AHR: variants seen among roughly 807,000 people sequenced by gnomAD.
AHR encodes aryl hydrocarbon receptor.
AHR carries 40 observed loss-of-function variants against 86.8 expected under a neutral mutation model. That is an observed-to-expected ratio of 0.46 (90% CI 0.36 to 0.60). The LOEUF (loss-of-function observed/expected upper bound fraction) is 0.60, where lower values mean the gene tolerates loss of function less well. Among genes scored for constraint, AHR ranks in the 20% least tolerant of loss-of-function variants. The pLI, the probability that AHR is intolerant of heterozygous loss-of-function variation, is 0.00. For missense variants in AHR, 1,001 were observed against 1,011.6 expected (o/e 0.99, Z 0.14); for synonymous variants, 398 against 354.9 (o/e 1.12, Z -1.37).
rs1186972185 is a variant in AHR, at chr7:17,345,108, A to T, written c.*2044A>T. ...GAGGAGGGTGGATCACGAGGTCAAGAGATGGAGACCATCCTGACCAACATG... is the reference window on the plus strand; with the variant it reads ...GAGGAGGGTGGATCACGAGGTCAAGTGATGGAGACCATCCTGACCAACATG... On this transcript the variant is annotated 3_prime_UTR_variant, in exon 11 of 11. Transcript: ENST00000242057. 6.6e-6 allele frequency: 1 copy of T among 151,884 alleles called. No individual in the cohort carries two copies. Among genetic ancestry groups the T allele is most frequent in the Non-Finnish European group, 1.5e-5 (1 of 67,976 alleles). The allele number at this position is 151,884 out of a possible 1,614,324, so 9.4% of individuals were successfully genotyped here.
At chr7:17,321,620 G>C (rs1782174641) in intron 2 of AHR, among the ~76,000 whole-genome samples, 2 of 73,370 alleles carry the variant, frequency 2.7e-5, no homozygotes, top group South Asian at 4.6e-4. Flanking sequence ...CACACACACA[G>C]TGAGGAAAAA....
chr7:17,338,944 T>C (rs774420877), intron 9 of AHR, 42 bp from the exon 10 acceptor site: 18 of 1,494,928 alleles, frequency 1.2e-5, no homozygotes, highest in Non-Finnish European at 1.4e-5. Flanking sequence ...TTAAAATGTT[T>C]GATAGAATTT....
chr7:17,316,259 A>C (rs1299334704), intron 2 of AHR, among the ~76,000 whole-genome samples: 2 of 152,182 alleles, frequency 1.3e-5, no homozygotes, highest in Non-Finnish European at 2.9e-5. Flanking sequence ...AGAGAAGGTG[A>C]TTTCTGTTCC....
chr7:17,337,871 A>G (rs930816084), intron 9 of AHR, among the ~76,000 whole-genome samples: 21 of 151,966 alleles, frequency 1.4e-4, no homozygotes, highest in Admixed American at 1.2e-3. Flanking sequence ...CTCAGACTCT[A>G]TTGGAGCTCT....
intron 1 of AHR, among the ~76,000 whole-genome samples, chr7:17,300,705 CTTATA>C (rs1425898394): frequency 1.3e-5 from 2 of 151,998 alleles, no homozygotes; most frequent in Non-Finnish European, 2.9e-5. Flanking sequence ...AGAATGGTTT[CTTATA>C]TTAAAGTATG....
At chr7:17,310,968 C>T (rs1452687373) in intron 2 of AHR, among the ~76,000 whole-genome samples, 1 of 152,204 alleles carries the variant, frequency 6.6e-6, no homozygotes, top group African/African-American at 2.4e-5. Flanking sequence ...TCACTGAAAA[C>T]TGTTTGTCAT....
At position 17,340,014 on chromosome 7, in the gene AHR, C is replaced by G; in HGVS notation, c.2189C>G (p.Pro730Arg). The G allele has an allele frequency of 6.2e-7, 1 of 1,614,216 alleles. No homozygotes were observed. The highest frequency in any genetic ancestry group is 8.5e-7 in the Non-Finnish European group (1 of 1,180,032). ...GGGAGTTTTGAACCATCCCCATACCCCACTACTTCTAGTTTAGAAGATTTT... is the reference window on the plus strand; with the variant it reads ...GGGAGTTTTGAACCATCCCCATACCGCACTACTTCTAGTTTAGAAGATTTT... ...PMGSFEPSPY[P>R]TTSSLEDFVT... The change falls in exon 10 of 11, where the codon CCC becomes CGC. Residue 730 changes from proline to arginine, a missense_variant. Physicochemically the swap from Pro to Arg is moderately radical, Grantham distance 103 (BLOSUM62 -2). Transcript: ENST00000242057.
Position 17,299,131 on chromosome 7 carries a change from G to T in AHR, c.-134G>T, listed in dbSNP as rs941616388. ...GGCGCGGCGCCCACGCCACTGTCCC[G>T]AGAGGACGCAGGTGGAGCGGGCGCG... On this transcript the variant is annotated 5_prime_UTR_variant, in exon 1 of 11. Transcript: ENST00000242057. 7.2e-6 allele frequency: 7 copies of T among 972,648 alleles called. No individual in the cohort carries two copies. Among genetic ancestry groups the T allele is most frequent in the East Asian group, 6.0e-5 (2 of 33,302 alleles). 60.3% of individuals were successfully genotyped at this position (972,648 alleles called of 1,614,324 possible).
At position 17,339,205 on chromosome 7, in the gene AHR, G is replaced by A; in HGVS notation, c.1380G>A (p.Met460Ile). Residue 460 changes from methionine to isoleucine, a missense_variant, in exon 10 of 11, where the codon ATG becomes ATA. By Grantham distance (10) the Met-to-Ile change is conservative. Transcript: ENST00000242057. ...SLNPSSLLAAMMQQDESIYLY... is the reference protein window; with the variant it reads ...SLNPSSLLAAIMQQDESIYLY... ...ATCCTAGTTCCCTCCTGGCTGCCAT[G>A]ATGCAACAAGATGAGTCTATTTATC... 4.3e-6 allele frequency: 7 copies of A among 1,614,180 alleles called. No individual in the cohort carries two copies. Among genetic ancestry groups the A allele is most frequent in the Non-Finnish European group, 5.9e-6 (7 of 1,180,026 alleles).
At chr7:17,337,199 A>G (rs780769490) in intron 9 of AHR, among the ~76,000 whole-genome samples, 27 of 152,098 alleles carry the variant, frequency 1.8e-4, no homozygotes, top group Non-Finnish European at 3.2e-4. Context: ...TTGTAGTCAG[A>G]AAATATTCTC....
At chr7:17,322,726 T>C in intron 3 of AHR, 119 bp downstream of exon 3, 1 of 679,024 alleles carries the variant, frequency 1.5e-6, no homozygotes, top group South Asian at 1.9e-5. Context: ...TTTGCCACTT[T>C]CATCTGAACT....
At chr7:17,327,880 A>T in intron 4 of AHR, 32 bp downstream of exon 4, 1 of 966,686 alleles carries the variant, frequency 1.0e-6, no homozygotes. Flanking sequence ...CATTTATATT[A>T]TTATATCATT....
chr7:17,338,198 CAAA>C (rs375217061), intron 9 of AHR, among the ~76,000 whole-genome samples: 1 of 64,632 alleles, frequency 1.5e-5, no homozygotes. Context: ...GACTCCGTCT[CAAA>C]AAAAAAAAAA....
intron 1 of AHR, among the ~76,000 whole-genome samples, chr7:17,309,597 A>G (rs111433991): frequency 5.3e-5 from 8 of 152,308 alleles, no homozygotes; most frequent in African/African-American, 1.7e-4. Context: ...TCTCTTTTTA[A>G]TTTTCCACCA....
chr7:17,313,155 C>A (rs1205401869), intron 2 of AHR, among the ~76,000 whole-genome samples: 1 of 151,956 alleles, frequency 6.6e-6, no homozygotes, highest in Non-Finnish European at 1.5e-5. Flanking sequence ...CCCCAAATTT[C>A]CTCCAGACTA....
rs982575760 is a variant in AHR, at chr7:17,335,627, T to C, written c.1019-18T>C. ...TGATTTGGGGGTTTGATAATTTAATTTTTTAATTTTATTTTAGTGATTAAG... is the reference window on the plus strand; with the variant it reads ...TGATTTGGGGGTTTGATAATTTAATCTTTTAATTTTATTTTAGTGATTAAG... On this transcript the variant is annotated intron_variant, in intron 8 of 10. Transcript: ENST00000242057. 3.3e-6 allele frequency: 5 copies of C among 1,534,218 alleles called. No homozygotes were observed. The highest frequency in any genetic ancestry group is 4.4e-6 in the Non-Finnish European group (5 of 1,140,106).
intron 10 of AHR, 151 bp from the exon 11 acceptor site, chr7:17,342,770 G>A (rs1782439553): frequency 4.3e-6 from 3 of 692,814 alleles, no homozygotes; most frequent in South Asian, 2.0e-5. Context: ...TCTTCACTGT[G>A]TGAAAGATTT....
At chr7:17,340,975 CT>C (rs1782417498) in intron 10 of AHR, among the ~76,000 whole-genome samples, 1 of 151,198 alleles carries the variant, frequency 6.6e-6, no homozygotes, top group Non-Finnish European at 1.5e-5. Context: ...AAAATGATCA[CT>C]TAAAAAAAAA....
chr7:17,317,836 G>A (rs368777683), intron 2 of AHR, among the ~76,000 whole-genome samples: 5 of 152,176 alleles, frequency 3.3e-5, no homozygotes, highest in African/African-American at 1.2e-4. Context: ...TACTACTCTT[G>A]TATATATGAA....
Sources: allele counts gnomAD v4.1 joint callset (sites outside exome capture counted in the v4.1 genomes callset), GRCh38; gene constraint gnomAD v4.1.1; transcripts MANE v1.5; gene names NCBI Gene and HGNC (gene_info 2026-07-23, HGNC 2026-07-21).